The following KRT19 variants were observed in gnomAD, a reference collection of about 807,000 sequenced individuals.
KRT19 encodes keratin, type I cytoskeletal 19.
In KRT19, 21 loss-of-function variants were observed where a neutral mutation model predicts 34.6. The ratio of observed to expected loss-of-function variants is 0.61; its 90% CI spans 0.43 to 0.87. KRT19 has a LOEUF of 0.87. KRT19 is among the 40% of genes least tolerant of loss of function. The pLI, the probability that KRT19 is intolerant of heterozygous loss-of-function variation, is 0.00. For synonymous variants in KRT19, 240 were observed against 245.8 expected (o/e 0.98, Z 0.22); for missense variants, 514 against 545.7 (o/e 0.94, Z 0.58).
Position 41,524,273 on chromosome 17 carries a change from A to T in KRT19, c.823-5T>A. On this transcript the variant is annotated splice_region_variant and splice_polypyrimidine_tract_variant and intron_variant, in intron 4 of 5. Coordinates refer to ENST00000361566, the MANE Select transcript of KRT19 (RefSeq NM_002276.5). The stretch of plus-strand genomic sequence containing the variant: ...CTCCCGGTTCAATTCTTCAGTCTGC[A>T]GAGAGAGGAAGAAGAGGGAATAAGC... 6.2e-7 allele frequency: 1 copy of T among 1,613,618 alleles called. No homozygotes were observed. Among genetic ancestry groups the T allele is most frequent in the Middle Eastern group, 1.7e-4 (1 of 6,060 alleles).
intron 1 of KRT19, 59 bp from the exon 2 acceptor site, chr17:41,525,332 T>G: frequency 8.1e-7 from 1 of 1,231,066 alleles, no homozygotes; most frequent in Admixed American, 1.7e-5. Context: ...CCCACTCACT[T>G]TCTTCCCAGA....
rs775156863 is a variant in KRT19, at chr17:41,523,924, A to C, written c.1022T>G (p.Leu341Arg). The C allele has an allele frequency of 6.2e-7, 1 of 1,614,032 alleles. No individual in the cohort carries two copies. The highest frequency in any genetic ancestry group is 1.3e-5 in the African/African-American group (1 of 75,064). The change falls in exon 6 of 6, where the codon CTG (leucine) becomes CGG (arginine). Residue 341 changes from leucine to arginine, a missense_variant. By Grantham distance (102) the Leu-to-Arg change is moderately radical. Transcript: ENST00000361566. ...FGAQLAHIQA[L>R]ISGIEAQLGD... Reference sequence around the variant, plus strand: ...CAGCTGGGCTTCAATACCGCTGATCAGCGCCTGGATATGCGCCAGCTGGGC... The same window carrying C: ...CAGCTGGGCTTCAATACCGCTGATCCGCGCCTGGATATGCGCCAGCTGGGC...
At chr17:41,525,393 C>G (rs1905828266) in intron 1 of KRT19, 120 bp from the exon 2 acceptor site, 1 of 791,418 alleles carries the variant, frequency 1.3e-6, no homozygotes. Flanking sequence ...GACCAAAGCC[C>G]TAGCCAGCAT....
Position 41,525,227 on chromosome 17 carries a change from T to C in KRT19, c.467A>G (p.Asp156Gly). The C allele has an allele frequency of 6.2e-7, 1 of 1,613,994 alleles. No individual in the cohort carries two copies. Among genetic ancestry groups the C allele is most frequent in the South Asian group, 1.1e-5 (1 of 91,078 alleles). Residue 156 changes from aspartate to glycine, a missense_variant, in exon 2 of 6, where the codon GAC becomes GGC. Asp to Gly is a moderately conservative substitution (Grantham distance 94, BLOSUM62 -1). Coordinates refer to ENST00000361566, the MANE Select transcript of KRT19 (RefSeq NM_002276.5). Reference sequence around the variant, plus strand: ...GTCATCTGCAGCCAGACGGGCATTGTCGATCTGCAGGACAATCCTGGAGTT... The same window carrying C: ...GTCATCTGCAGCCAGACGGGCATTGCCGATCTGCAGGACAATCCTGGAGTT... ...IENSRIVLQIDNARLAADDFR... is the reference protein window; with the variant it reads ...IENSRIVLQIGNARLAADDFR...
rs375073815 is a variant in KRT19 at position 41,524,956 on chromosome 17, T to C, written c.547A>G (p.Ile183Val). 7 of 1,614,040 alleles carry C rather than the reference T, an allele frequency of 4.3e-6. No homozygotes were observed. Among genetic ancestry groups the C allele is most frequent in the Non-Finnish European group, 5.9e-6 (7 of 1,180,000 alleles). ...QALRMSVEAD[I>V]NGLRRVLDEL... ...TCCAGCACCCTGCGCAGGCCGTTGATGTCGGCCTCCACGCTCATGCGCAGA... is the reference window on the plus strand; with the variant it reads ...TCCAGCACCCTGCGCAGGCCGTTGACGTCGGCCTCCACGCTCATGCGCAGA... The change falls in exon 3 of 6, where the codon ATC becomes GTC. Residue 183 changes from isoleucine (I) to valine (V), a missense_variant. By Grantham distance (29) the Ile-to-Val change is conservative (BLOSUM62 3). Transcript: ENST00000361566.
At chr17:41,527,158 G>GATCCGTTCTTTCCCCAA (rs1905895081) in intron 1 of KRT19, among the ~76,000 whole-genome samples, 1 of 152,150 alleles carries the variant, frequency 6.6e-6, no homozygotes, top group East Asian at 1.9e-4. Flanking sequence ...GTGTGACGCA[G>GATCCGTTCTTTCCCCAA]ATCCGTTCTT....
rs1310908083 is a variant in KRT19, at chr17:41,524,399, C to CAGCA, written c.798_801dup (p.Glu268CysfsTer2). ...CCTACCCGGCTGGTGAACCAGGCTT[C>CAGCA]AGCATCCTTCCGGTTCTGCTCGGCC... On this transcript the variant is annotated frameshift_variant, in exon 4 of 6. Coordinates refer to ENST00000361566, the MANE Select transcript of KRT19 (RefSeq NM_002276.5). LOFTEE classifies it high-confidence loss of function. The CAGCA allele has an allele frequency of 1.9e-6, 3 of 1,614,226 alleles. No homozygotes were observed. The highest frequency in any genetic ancestry group is 2.5e-6 in the Non-Finnish European group (3 of 1,180,036).
chr17:41,525,514 G>C (rs975064699), intron 1 of KRT19: 1 of 533,912 alleles, frequency 1.9e-6, no homozygotes, highest in African/African-American at 1.9e-5. Context: ...AGGGCAGGAA[G>C]GCAAGCCTGG....
chr17:41,524,054 T>G (rs566316061), intron 5 of KRT19, 57 bp from the exon 6 acceptor site: 1 of 1,600,448 alleles, frequency 6.2e-7, no homozygotes, highest in African/African-American at 1.3e-5. Flanking sequence ...GGAGAGGGCA[T>G]GGGCACAGCC....
chr17:41,527,873 G>A lies in KRT19; in HGVS notation c.375C>T (p.Arg125=). The change falls in exon 1 of 6, where the codon CGC becomes CGT. Residue 125 remains arginine, a synonymous_variant. Coordinates refer to ENST00000361566, the MANE Select transcript of KRT19 (RefSeq NM_002276.5). ...WYQKQGPGPS[R]DYSHYYTTIQ... ...TGGTCGTGTAGTAGTGGCTGTAGTC[G>A]CGGGAGGGCCCAGGCCCCTGCTTCT... The A allele has an allele frequency of 6.2e-7, 1 of 1,612,964 alleles. No homozygotes were observed. Among genetic ancestry groups the A allele is most frequent in the Non-Finnish European group, 8.5e-7 (1 of 1,179,490 alleles).
rs565579263 is a variant in KRT19 at position 41,524,395 on chromosome 17, G to A, written c.806C>T (p.Ala269Val). 2 of 1,614,170 alleles carry A rather than the reference G, an allele frequency of 1.2e-6. No homozygotes were observed. The highest frequency in any genetic ancestry group is 1.1e-5 in the South Asian group (1 of 91,084). Reference sequence around the variant, plus strand: ...TCTACCTACCCGGCTGGTGAACCAGGCTTCAGCATCCTTCCGGTTCTGCTC... The same window carrying A: ...TCTACCTACCCGGCTGGTGAACCAGACTTCAGCATCCTTCCGGTTCTGCTC... ...MAEQNRKDAE[A>V]WFTSRTEELN... Residue 269 changes from alanine (A) to valine (V), a missense_variant, in exon 4 of 6, where the codon GCC becomes GTC. Transcript: ENST00000361566.
rs907435822 is a variant in KRT19 at position 41,528,014 on chromosome 17, G to A, written c.234C>T (p.Gly78=). The change falls in exon 1 of 6, where the codon GGC becomes GGT. Residue 78 remains glycine (G), a synonymous_variant. Coordinates refer to ENST00000361566, the MANE Select transcript of KRT19 (RefSeq NM_002276.5). ...GGTTCTGCATGGTTAGCTTCTCGTT[G>A]CCCGCCAGCAGCCCGTCGGACGCGG... ...VLTASDGLLA[G]NEKLTMQNLN... The A allele has an allele frequency of 3.7e-6, 6 of 1,611,046 alleles. No homozygotes were observed. The highest frequency in any genetic ancestry group is 5.1e-6 in the Non-Finnish European group (6 of 1,178,780).
chr17:41,523,648 CAGG>C lies in KRT19; in HGVS notation c.*92_*94del, dbSNP rs1905745204. ...GGACCATAAATTTTTATTGGCAGGT[CAGG>C]AGAAGAGCCGGGGGTAAGGGTCCCT... On this transcript the variant is annotated 3_prime_UTR_variant, in exon 6 of 6. Transcript: ENST00000361566. 1 of 1,268,084 alleles carries C rather than the reference CAGG, an allele frequency of 7.9e-7. No homozygotes were observed. The highest frequency in any genetic ancestry group is 1.5e-5 in the African/African-American group (1 of 66,940). 78.6% of individuals were successfully genotyped at this position (1,268,084 alleles called of 1,614,324 possible). A position where few individuals can be genotyped will look rare whatever the true frequency, so the allele number is the denominator to read the frequency against.
intron 1 of KRT19, among the ~76,000 whole-genome samples, chr17:41,526,882 C>A (rs1905884739): frequency 6.6e-6 from 1 of 152,284 alleles, no homozygotes; most frequent in Non-Finnish European, 1.5e-5. Flanking sequence ...CCCTGTAGGT[C>A]ACAATTTTAC....
chr17:41,525,592 T>G (rs1597781566), intron 1 of KRT19: 1 of 304,692 alleles, frequency 3.3e-6, no homozygotes. Flanking sequence ...ATAAACCAGA[T>G]GGGGGGTAGA....
rs756555514 is a variant in KRT19 at position 41,524,542 on chromosome 17, T to C, written c.661-2A>G. 9 of 1,613,954 alleles carry C rather than the reference T, an allele frequency of 5.6e-6. No homozygotes were observed. The highest frequency in any genetic ancestry group is 1.7e-6 in the Non-Finnish European group (2 of 1,179,922). ...TTGGCCCCTCAGCGTACTGATTTCC[T>C]GTAAAGATACAGCAGAGATGGGCAT... is the stretch of plus-strand genomic sequence containing the variant. On this transcript the variant is annotated splice_acceptor_variant, in intron 3 of 5. Transcript: ENST00000361566. LOFTEE classifies it high-confidence loss of function.
chr17:41,524,780 A>G (rs1241655697), intron 3 of KRT19, 63 bp downstream of exon 3: 2 of 1,571,218 alleles, frequency 1.3e-6, no homozygotes, highest in African/African-American at 2.7e-5. Context: ...AATACAGAAT[A>G]AAAGAGTCTT....
At chr17:41,525,114 A>G (rs1905815078) in intron 2 of KRT19, 77 bp downstream of exon 2, 1 of 1,551,848 alleles carries the variant, frequency 6.4e-7, no homozygotes. Flanking sequence ...CATCTAGGCT[A>G]GGTGAGGGCA....
In KRT19 at chr17:41,527,858, G is replaced by A. The variant is rs1289219679; in HGVS notation, c.390C>T (p.Tyr130=). Residue 130 remains tyrosine (Y), a synonymous_variant, in exon 1 of 6, where the codon TAC becomes TAT. Transcript: ENST00000361566. ...GPGPSRDYSH[Y]YTTIQDLRDK... ...CCCGCAGGTCCTGGATGGTCGTGTA[G>A]TAGTGGCTGTAGTCGCGGGAGGGCC... The A allele has an allele frequency of 1.2e-6, 2 of 1,611,808 alleles. No homozygotes were observed. The highest frequency in any genetic ancestry group is 3.3e-5 in the Admixed American group (2 of 59,918).
Sources: gnomAD v4.1 joint callset for allele counts (sites outside exome capture counted in the v4.1 genomes callset) on GRCh38, gnomAD v4.1.1 for gene constraint, MANE v1.5 for transcripts, NCBI Gene and HGNC (gene_info 2026-07-23, HGNC 2026-07-21) for gene names.